The following EXOC4 variants were observed in gnomAD, a reference collection of about 807,000 sequenced individuals.
The protein encoded by EXOC4 is exocyst complex component 4, also known as SEC8-like 1.
In EXOC4, 71 loss-of-function variants were observed where a neutral mutation model predicts 107.2. The observed-to-expected ratio is 0.66, with a 90% confidence interval of 0.55 to 0.81. The LOEUF is 0.81. Ranked by LOEUF, EXOC4 falls within the 30% of genes least tolerant of loss-of-function variation. The pLI, the probability that EXOC4 is intolerant of heterozygous loss-of-function variation, is 0.00. For synonymous variants in EXOC4, 456 were observed against 441.2 expected (o/e 1.03, Z -0.42); for missense variants, 1,108 against 1,189.6 (o/e 0.93, Z 1.01).
intron 14 of EXOC4, among the ~76,000 whole-genome samples, chr7:133,992,138 G>C (rs536491381): frequency 6.6e-6 from 1 of 152,060 alleles, no homozygotes; most frequent in East Asian, 1.9e-4. Flanking sequence ...TCTTTCATCA[G>C]TGTTTTATAA....
At chr7:133,625,234 G>T (rs1166578370) in intron 9 of EXOC4, among the ~76,000 whole-genome samples, 1 of 152,162 alleles carries the variant, frequency 6.6e-6, no homozygotes, top group African/African-American at 2.4e-5. Flanking sequence ...AATTCTAATG[G>T]AAAAGGAGAA....
chr7:133,750,361 C>T (rs1795770567), intron 10 of EXOC4, among the ~76,000 whole-genome samples: 1 of 152,006 alleles, frequency 6.6e-6, no homozygotes, highest in South Asian at 2.1e-4. Flanking sequence ...ACTCCATTTC[C>T]TTAATAGGTC....
At chr7:133,440,508 G>C (rs904808634) in intron 7 of EXOC4, among the ~76,000 whole-genome samples, 2 of 152,168 alleles carry the variant, frequency 1.3e-5, no homozygotes, top group Non-Finnish European at 2.9e-5. Flanking sequence ...TTGGGTAAGG[G>C]CTGGGTAAAA....
chr7:134,055,764 C>T (rs1163517101), intron 17 of EXOC4, among the ~76,000 whole-genome samples: 1 of 152,122 alleles, frequency 6.6e-6, no homozygotes, highest in Non-Finnish European at 1.5e-5. Context: ...CCTAGTTTTG[C>T]TTTACTTTAA....
intron 7 of EXOC4, among the ~76,000 whole-genome samples, chr7:133,376,600 C>T (rs1293615983): frequency 1.3e-5 from 2 of 152,164 alleles, no homozygotes; most frequent in African/African-American, 4.8e-5. Context: ...ACTATTAGCC[C>T]TTTGGTCAGA....
chr7:133,928,055 G>T (rs1174971098), intron 13 of EXOC4, among the ~76,000 whole-genome samples: 1 of 152,092 alleles, frequency 6.6e-6, no homozygotes, highest in African/African-American at 2.4e-5. Context: ...TTATCTGTTA[G>T]TATCATTAAA....
chr7:133,592,060 T>C (rs1420535136), intron 9 of EXOC4, among the ~76,000 whole-genome samples: 1 of 151,652 alleles, frequency 6.6e-6, no homozygotes, highest in Non-Finnish European at 1.5e-5. Flanking sequence ...GCATTTCTTT[T>C]CTTTTTTCTT....
Position 133,853,486 on chromosome 7 carries a change from T to C in EXOC4, c.1734+35942T>C, listed in dbSNP as rs116714367. The stretch of plus-strand genomic sequence containing the variant: ...GCTCAAGCAATCCTCCCACCTCAAC[T>C]TCTTGAGTAGCTGAGACTACAGGCA... On this transcript the variant is annotated intron_variant, in intron 11 of 17. Coordinates refer to ENST00000253861, the MANE Select transcript of EXOC4 (RefSeq NM_021807.4). Among the ~76,000 whole-genome samples, 366 of 152,018 alleles carry C rather than the reference T, an allele frequency of 2.4e-3. 5 individuals are homozygous for C. Among genetic ancestry groups the C allele is most frequent in the African/African-American group, 8.2e-3 (342 of 41,462 alleles).
chr7:133,624,191 A>T (rs1003338), intron 9 of EXOC4, among the ~76,000 whole-genome samples: 1 of 152,204 alleles, frequency 6.6e-6, no homozygotes. Context: ...GGGGCATGCC[A>T]CTTCCTATGG....
chr7:133,559,249 A>G (rs977000280), intron 9 of EXOC4, among the ~76,000 whole-genome samples: 2 of 152,076 alleles, frequency 1.3e-5, no homozygotes, highest in African/African-American at 4.8e-5. Context: ...ATCTGTTACT[A>G]TGCAAATGTA....
chr7:134,029,845 T>C (rs954455073), intron 17 of EXOC4, among the ~76,000 whole-genome samples: 2 of 152,188 alleles, frequency 1.3e-5, no homozygotes, highest in African/African-American at 2.4e-5. Flanking sequence ...AGTAGCCTTT[T>C]CTTAGGCTCT....
At chr7:133,964,077 T>C (rs1360156581) in intron 14 of EXOC4, among the ~76,000 whole-genome samples, 1 of 152,114 alleles carries the variant, frequency 6.6e-6, no homozygotes, top group African/African-American at 2.4e-5. Flanking sequence ...TTAATTAAAA[T>C]CTGCAAAGCT....
chr7:133,602,977 A>C (rs1159567623), intron 9 of EXOC4, among the ~76,000 whole-genome samples: 1 of 149,102 alleles, frequency 6.7e-6, no homozygotes, highest in Admixed American at 6.7e-5. Context: ...TGTTTGTCTG[A>C]AAACAATTAT....
At chr7:133,869,299 T>C (rs1255903691) in intron 11 of EXOC4, among the ~76,000 whole-genome samples, 1 of 152,016 alleles carries the variant, frequency 6.6e-6, no homozygotes, top group Non-Finnish European at 1.5e-5. Flanking sequence ...CGTGGTATAA[T>C]AGAAAGAGCA....
In EXOC4 at chr7:133,345,587, G is replaced by A. The variant is rs137981483; in HGVS notation, c.764-10743G>A. On this transcript the variant is annotated intron_variant, in intron 5 of 17. Transcript: ENST00000253861. ...CTGTAAACGAGATCATGTACATTAA[G>A]TGCTATCTCTTGAAAAAAATGATTC... 2.9e-3 allele frequency among the ~76,000 whole-genome samples: 444 copies of A among 152,060 alleles called. 4 individuals are homozygous for A. Among genetic ancestry groups the A allele is most frequent in the Non-Finnish European group, 2.6e-3 (175 of 68,002 alleles).
chr7:133,281,263 C>T (rs1022176385), intron 2 of EXOC4, among the ~76,000 whole-genome samples: 1 of 148,938 alleles, frequency 6.7e-6, no homozygotes, highest in African/African-American at 2.5e-5. Context: ...TGCACATGTA[C>T]CCTAAAACTT....
At chr7:133,589,257 T>G (rs1453975583) in intron 9 of EXOC4, among the ~76,000 whole-genome samples, 1 of 152,204 alleles carries the variant, frequency 6.6e-6, no homozygotes, top group Admixed American at 6.5e-5. Flanking sequence ...GCTAAAAGTT[T>G]GGCTAACTTT....
the EXOC4 span, among the ~76,000 whole-genome samples, chr7:134,090,524 TAA>T: frequency 2.6e-5 from 4 of 152,164 alleles, no homozygotes; most frequent in Non-Finnish European, 4.4e-5. Context: ...ACAGAGGAGA[TAA>T]AAAGTTATTT....
At chr7:133,591,350 G>A (rs913064046) in intron 9 of EXOC4, among the ~76,000 whole-genome samples, 9 of 152,186 alleles carry the variant, frequency 5.9e-5, no homozygotes, top group Non-Finnish European at 2.9e-5. Context: ...TAATTTTGAT[G>A]TTCGTTCTTG....
Sources: allele counts gnomAD v4.1 joint callset (sites outside exome capture counted in the v4.1 genomes callset), GRCh38; gene constraint gnomAD v4.1.1; transcripts MANE v1.5; gene names NCBI Gene and HGNC (gene_info 2026-07-23, HGNC 2026-07-21).